Variants in PCMTD1 observed in about 807,000 individuals in gnomAD.
PCMTD1 encodes protein-L-isoaspartate O-methyltransferase domain-containing protein 1.
Under a neutral mutation model 37.6 loss-of-function variants are expected in PCMTD1, and 12 were observed. That is an observed-to-expected ratio of 0.32 (90% CI 0.20 to 0.52). The LOEUF (loss-of-function observed/expected upper bound fraction) is 0.52, where lower values mean the gene tolerates loss of function less well. Ranked by LOEUF, PCMTD1 falls within the 20% of genes least tolerant of loss-of-function variation. PCMTD1 has a pLI of 0.97. For missense variants in PCMTD1, 235 were observed against 421.3 expected (o/e 0.56, Z 3.87); for synonymous variants, 117 against 135.8 (o/e 0.86, Z 0.96).
chr8:51,859,509 G>A (rs1475489760), intron 2 of PCMTD1, among the ~76,000 whole-genome samples: 1 of 152,164 alleles, frequency 6.6e-6, no homozygotes, highest in Non-Finnish European at 1.5e-5. Flanking sequence ...CCCAGTTGCG[G>A]AATGAAAGGC....
intron 5 of PCMTD1, among the ~76,000 whole-genome samples, chr8:51,823,901 C>G (rs1019760449): frequency 2.6e-5 from 4 of 152,190 alleles, no homozygotes; most frequent in African/African-American, 7.2e-5. Flanking sequence ...ATATGCAAAT[C>G]AATAAACGTA....
At chr8:51,831,312 GT>G in intron 5 of PCMTD1, 131 bp downstream of exon 5, 1 of 829,802 alleles carries the variant, frequency 1.2e-6, no homozygotes, top group Non-Finnish European at 1.7e-6. Context: ...AAAAAAAAAA[GT>G]TGAATAAATC....
At chr8:51,892,324 T>C (rs2037139) in intron 1 of PCMTD1, among the ~76,000 whole-genome samples, 17,889 of 152,196 alleles carry the variant, frequency 0.12, 1,294 homozygotes, top group East Asian at 0.17. Context: ...TGCTAACACA[T>C]GCAGGGCTGA....
At chr8:51,879,934 G>C (rs187149923) in intron 1 of PCMTD1, among the ~76,000 whole-genome samples, 2 of 151,804 alleles carry the variant, frequency 1.3e-5, no homozygotes, top group African/African-American at 4.8e-5. Flanking sequence ...TATAATCCCA[G>C]AACCTTGGAA....
At chr8:51,857,080 T>C (rs1210771439) in intron 2 of PCMTD1, among the ~76,000 whole-genome samples, 1 of 152,228 alleles carries the variant, frequency 6.6e-6, no homozygotes, top group Admixed American at 6.5e-5. Flanking sequence ...ATAGGTTAGC[T>C]GAATAAGGAC....
chr8:51,839,070 A>G (rs920240549), intron 3 of PCMTD1, among the ~76,000 whole-genome samples: 1 of 148,370 alleles, frequency 6.7e-6, no homozygotes, highest in African/African-American at 2.4e-5. Flanking sequence ...AAGTAAAATA[A>G]AAAGTAGCAA....
At chr8:51,882,790 C>T (rs1407521798) in intron 1 of PCMTD1, among the ~76,000 whole-genome samples, 1 of 142,456 alleles carries the variant, frequency 7.0e-6, no homozygotes, top group African/African-American at 2.5e-5. Context: ...TCTTTAAAAG[C>T]TTACAATTTA....
Position 51,850,154 on chromosome 8 carries a change from A to C in PCMTD1, c.308-4391T>G, listed in dbSNP as rs1585812406. ...TGGCTTCCAATCCCAATTCCTCCTA[A>C]CTGTTGTATAATCTAAGACCAGTCA... is the stretch of plus-strand genomic sequence containing the variant. On this transcript the variant is annotated intron_variant, in intron 2 of 5. Transcript: ENST00000522514. 4.3e-6 allele frequency: 3 copies of C among 697,138 alleles called. No individual in the cohort carries two copies. The East Asian group carries it at 8.1e-5, about 19-fold the overall frequency. The allele number at this position is 697,138 out of a possible 1,614,324, so 43.2% of individuals were successfully genotyped here.
chr8:51,830,225 C>T (rs2037979871), intron 5 of PCMTD1, among the ~76,000 whole-genome samples: 1 of 152,176 alleles, frequency 6.6e-6, no homozygotes, highest in African/African-American at 2.4e-5. Context: ...TCTTTATCTC[C>T]ACTCTCCGCT....
At chr8:51,838,245 C>T (rs4587318) in intron 3 of PCMTD1, among the ~76,000 whole-genome samples, 5 of 152,060 alleles carry the variant, frequency 3.3e-5, no homozygotes, top group East Asian at 3.9e-4. Context: ...CCAGCATTTT[C>T]GGAGGCCAAG....
At chr8:51,840,713 A>G (rs892406932) in intron 3 of PCMTD1, among the ~76,000 whole-genome samples, 1 of 152,168 alleles carries the variant, frequency 6.6e-6, no homozygotes, top group Non-Finnish European at 1.5e-5. Context: ...AAATAAAATT[A>G]GGATAGTAGA....
chr8:51,890,868 T>C lies in PCMTD1; in HGVS notation c.-96+8062A>G, dbSNP rs115571321. ...AAAATGCAAGCACTCACATTTTCCA[T>C]ACTTCTATCACCAAATACATCTGCC... On this transcript the variant is annotated intron_variant, in intron 1 of 5. Transcript: ENST00000522514. Among the ~76,000 whole-genome samples the C allele has an allele frequency of 1.5e-3, 236 of 152,342 alleles. 1 individual carries two copies. The highest frequency in any genetic ancestry group is 5.3e-3 in the African/African-American group (221 of 41,584).
chr8:51,817,643 C>T lies in PCMTD1; in HGVS notation c.*2708G>A. On this transcript the variant is annotated 3_prime_UTR_variant, in exon 6 of 6. Coordinates refer to ENST00000522514, the MANE Select transcript of PCMTD1 (RefSeq NM_052937.4). ...CCAAGTCTTCCAATGATTTAACAGGCTTTGCTTCACTTTTATCATCTCAAA... is the reference window on the plus strand; with the variant it reads ...CCAAGTCTTCCAATGATTTAACAGGTTTTGCTTCACTTTTATCATCTCAAA... 4.7e-6 allele frequency: 1 copy of T among 211,136 alleles called. No individual in the cohort carries two copies. The highest frequency in any genetic ancestry group is 9.7e-6 in the Non-Finnish European group (1 of 102,720). 13.1% of individuals were successfully genotyped at this position (211,136 alleles called of 1,614,324 possible).
intron 5 of PCMTD1, among the ~76,000 whole-genome samples, chr8:51,822,083 T>C (rs1383288234): frequency 1.3e-5 from 2 of 152,204 alleles, no homozygotes; most frequent in Admixed American, 1.3e-4. Context: ...GAGAAGATCC[T>C]GTCCTAGCTA....
At chr8:51,873,294 T>C (rs1409621565) in intron 1 of PCMTD1, among the ~76,000 whole-genome samples, 6 of 152,168 alleles carry the variant, frequency 3.9e-5, no homozygotes, top group African/African-American at 9.7e-5. Flanking sequence ...ATTTCAATCT[T>C]ATTCATAAAT....
intron 5 of PCMTD1, among the ~76,000 whole-genome samples, chr8:51,824,630 T>G (rs534647148): frequency 6.6e-6 from 1 of 152,300 alleles, no homozygotes; most frequent in South Asian, 2.1e-4. Context: ...TCCATAGTAA[T>G]TTATAGATTC....
At chr8:51,824,916 C>A (rs2037900607) in intron 5 of PCMTD1, among the ~76,000 whole-genome samples, 1 of 152,152 alleles carries the variant, frequency 6.6e-6, no homozygotes, top group Non-Finnish European at 1.5e-5. Context: ...TTATCTTTGA[C>A]AAACCTGACA....
intron 1 of PCMTD1, among the ~76,000 whole-genome samples, chr8:51,883,863 G>A (rs184459312): frequency 1.3e-5 from 2 of 152,254 alleles, no homozygotes; most frequent in Admixed American, 1.3e-4. Context: ...CAAAAACAAA[G>A]ACATAGTTCA....
chr8:51,893,543 CAG>C (rs1456801575), intron 1 of PCMTD1, among the ~76,000 whole-genome samples: 4 of 152,134 alleles, frequency 2.6e-5, no homozygotes, highest in Non-Finnish European at 5.9e-5. Flanking sequence ...ACTGTAAGAT[CAG>C]AGAGTTTATG....
Sources: gnomAD v4.1 joint callset for allele counts (sites outside exome capture counted in the v4.1 genomes callset) on GRCh38, gnomAD v4.1.1 for gene constraint, MANE v1.5 for transcripts, NCBI Gene and HGNC (gene_info 2026-07-23, HGNC 2026-07-21) for gene names.